Variants in DARS2 observed in about 807,000 individuals in gnomAD.
The protein encoded by DARS2 is aspartate--tRNA ligase, mitochondrial.
DARS2 carries 63 observed loss-of-function variants against 83.0 expected under a neutral mutation model. The observed-to-expected ratio is 0.76, with a 90% CI of 0.62 to 0.94. The LOEUF (loss-of-function observed/expected upper bound fraction) is 0.94, where lower values mean the gene tolerates loss of function less well. Among genes scored for constraint, DARS2 ranks in the 40% least tolerant of loss-of-function variants. The probability of loss-of-function intolerance (pLI) is 0.00; values close to 1 mark genes in which losing one functional copy is unlikely to be tolerated. For missense variants in DARS2, 675 were observed against 774.4 expected (o/e 0.87, Z 1.52); for synonymous variants, 250 against 269.3 (o/e 0.93, Z 0.70).
At position 173,858,019 on chromosome 1, in the gene DARS2, ATAG is replaced by A. The variant is rs1298704938; in HGVS notation, c.*318_*320del. On this transcript the variant is annotated 3_prime_UTR_variant, in exon 17 of 17. Transcript: ENST00000649689. ...TTCAAATCATGTTTCTCATACCCAG[ATAG>A]TAGATTATTCACTTAGGACAGAGGT... The A allele has an allele frequency of 2.7e-6, 1 of 366,676 alleles. No individual in the cohort carries two copies. The highest frequency in any genetic ancestry group is 5.2e-6 in the Non-Finnish European group (1 of 190,522). 22.7% of individuals were successfully genotyped at this position (366,676 alleles called of 1,614,324 possible).
chr1:173,846,028 C>T (rs1023647569), intron 12 of DARS2, among the ~76,000 whole-genome samples: 5 of 152,038 alleles, frequency 3.3e-5, no homozygotes, highest in Admixed American at 2.0e-4. Flanking sequence ...CGTGGTGGCG[C>T]GGGCCTGTAG....
In DARS2 at chr1:173,835,792, G is replaced by A. The variant is rs552607090; in HGVS notation, c.664-1148G>A. 2.5e-4 allele frequency among the ~76,000 whole-genome samples: 38 copies of A among 151,682 alleles called. 1 individual carries two copies. The highest frequency in any genetic ancestry group is 1.7e-3 in the South Asian group (8 of 4,790). On this transcript the variant is annotated intron_variant, in intron 7 of 16. Coordinates refer to ENST00000649689, the MANE Select transcript of DARS2 (RefSeq NM_018122.5). ...AATTAGGCCAGGCACGGTGGTTCAC[G>A]CCTGTAATCCCAGTACTTTGGGAGG... is the stretch of plus-strand genomic sequence containing the variant.
chr1:173,838,048 T>C (rs1026062587), intron 8 of DARS2, 142 bp from the exon 9 acceptor site: 15 of 703,018 alleles, frequency 2.1e-5, no homozygotes, highest in Middle Eastern at 3.7e-4. Context: ...GCTGGGATTA[T>C]AGGTATGAGC....
chr1:173,847,450 CTT>C (rs1653478754), intron 12 of DARS2, among the ~76,000 whole-genome samples: 1 of 152,008 alleles, frequency 6.6e-6, no homozygotes, highest in Non-Finnish European at 1.5e-5. Context: ...TCTTCTCTCT[CTT>C]CTCCTGTTTT....
chr1:173,833,414 C>A lies in DARS2; in HGVS notation c.531C>A (p.Asp177Glu). Reference protein sequence around the residue: ...EALRLQYRYLDLRSFQMQYNL... With the variant: ...EALRLQYRYLELRSFQMQYNL... ...TTCGGTTGCAGTATCGCTACTTAGA[C>A]TTGCGTAGTTTCCAAATGCAGTATA... is the stretch of plus-strand genomic sequence containing the variant. Residue 177 changes from aspartate to glutamate, a missense_variant, in exon 6 of 17, where the codon GAC becomes GAA. Transcript: ENST00000649689. 1.2e-6 allele frequency: 2 copies of A among 1,613,634 alleles called. No individual in the cohort carries two copies. The highest frequency in any genetic ancestry group is 1.7e-6 in the Non-Finnish European group (2 of 1,179,698).
chr1:173,837,065 A>G lies in DARS2; in HGVS notation c.770+19A>G, dbSNP rs371792795. 5.7e-6 allele frequency: 9 copies of G among 1,587,368 alleles called. No homozygotes were observed. Among genetic ancestry groups the G allele is most frequent in the Non-Finnish European group, 7.8e-6 (9 of 1,156,020 alleles). ...TAGACAGGTGAGCTTTTTTTATGCT[A>G]GCAGTTGTCAGAAAAGGAAAAGAGA... On this transcript the variant is annotated intron_variant, in intron 8 of 16. Transcript: ENST00000649689.
chr1:173,828,311 T>TGGGGGGGGGGGGGGGGGGGGGGGG, intron 2 of DARS2, 22 bp from the exon 3 acceptor site: 1 of 1,586,798 alleles, frequency 6.3e-7, no homozygotes, highest in Non-Finnish European at 8.6e-7. Context: ...AAATGTTTCT[T>TGGGGGGGGGGGGGGGGGGGGGGGG]TTCCCCCCCC....
intron 11 of DARS2, 83 bp from the exon 12 acceptor site, chr1:173,845,144 AAT>A (rs1424737332): frequency 3.4e-6 from 3 of 881,948 alleles, no homozygotes; most frequent in Non-Finnish European, 5.7e-6. Flanking sequence ...AAAGACACAA[AAT>A]ATATTTGTCA....
At position 173,828,362 on chromosome 1, in the gene DARS2, T is replaced by C; in HGVS notation, c.257T>C (p.Phe86Ser). Residue 86 changes from phenylalanine to serine, a missense_variant, in exon 3 of 17, where the codon TTC (phenylalanine) becomes TCC (serine). Physicochemically the swap from Phe to Ser is radical, Grantham distance 155 (BLOSUM62 -2). Coordinates refer to ENST00000649689, the MANE Select transcript of DARS2 (RefSeq NM_018122.5). ...AACACATTCTTGGTCCTAAGAGATTTCGATGGGCTTGTTCAAGTTATCATT... is the reference window on the plus strand; with the variant it reads ...AACACATTCTTGGTCCTAAGAGATTCCGATGGGCTTGTTCAAGTTATCATT... The part of the protein sequence containing the change: ...RQNTFLVLRD[F>S]DGLVQVIIPQ... 6.4e-7 allele frequency: 1 copy of C among 1,564,924 alleles called. No homozygotes were observed. Among genetic ancestry groups the C allele is most frequent in the Non-Finnish European group, 8.7e-7 (1 of 1,149,226 alleles).
chr1:173,849,053 T>C (rs1250681765), intron 12 of DARS2, among the ~76,000 whole-genome samples: 1 of 152,038 alleles, frequency 6.6e-6, no homozygotes, highest in Non-Finnish European at 1.5e-5. Flanking sequence ...ATTCTGGTTT[T>C]ATTCATAAAA....
At chr1:173,845,326 A>T in intron 12 of DARS2, 35 bp downstream of exon 12, 1 of 1,430,166 alleles carries the variant, frequency 7.0e-7, no homozygotes, top group Non-Finnish European at 9.8e-7. Context: ...TTTTCCTTAT[A>T]CAGATTCAAT....
chr1:173,855,247 G>A (rs1489127149), intron 15 of DARS2, among the ~76,000 whole-genome samples: 2 of 151,846 alleles, frequency 1.3e-5, no homozygotes, highest in African/African-American at 2.4e-5. Context: ...GGGATTACAC[G>A]TGCGCACTAA....
intron 12 of DARS2, 47 bp from the exon 13 acceptor site, chr1:173,850,278 CTG>C (rs759642140): frequency 1.4e-5 from 20 of 1,440,110 alleles, no homozygotes; most frequent in Non-Finnish European, 1.9e-5. Context: ...ATTAATCCCA[CTG>C]TTCAAAAAAA....
Position 173,825,438 on chromosome 1 carries a change from A to AT in DARS2, c.127+88dup, listed in dbSNP as rs558233437. On this transcript the variant is annotated intron_variant, in intron 1 of 16. Transcript: ENST00000649689. Reference sequence around the variant, plus strand: ...CCGGAGAGCTTTTATTCCATTTTTCATTTTTTCCCCCATTATTATTATTAT... The same window carrying AT: ...CCGGAGAGCTTTTATTCCATTTTTCATTTTTTTCCCCCATTATTATTATTAT... The AT allele has an allele frequency of 1.0e-3, 1,183 of 1,159,246 alleles. 13 individuals carry two copies. The African/African-American group carries it at 0.013, about 13-fold the overall frequency. The allele number at this position is 1,159,246 out of a possible 1,614,324, so 71.8% of individuals were successfully genotyped here. A position where few individuals can be genotyped will look rare whatever the true frequency, so the allele number is the denominator to read the frequency against.
intron 6 of DARS2, among the ~76,000 whole-genome samples, chr1:173,834,085 T>C (rs942487376): frequency 1.3e-5 from 2 of 152,186 alleles, no homozygotes; most frequent in African/African-American, 4.8e-5. Context: ...CTTTATCATG[T>C]GCATACATCA....
intron 12 of DARS2, among the ~76,000 whole-genome samples, chr1:173,847,339 T>C (rs1419827336): frequency 6.6e-6 from 1 of 152,200 alleles, no homozygotes; most frequent in Non-Finnish European, 1.5e-5. Flanking sequence ...TATTAGTATA[T>C]AAAATCTGCA....
intron 3 of DARS2, among the ~76,000 whole-genome samples, chr1:173,829,618 C>T (rs1455328212): frequency 6.6e-6 from 1 of 151,420 alleles, no homozygotes; most frequent in African/African-American, 2.4e-5. Flanking sequence ...TACTAAAATA[C>T]AAAAAATTGG....
In DARS2 at chr1:173,850,409, A is replaced by G; in HGVS notation, c.1274A>G (p.Glu425Gly). The change falls in exon 13 of 17, where the codon GAA (glutamate) becomes GGA (glycine). Residue 425 changes from glutamate to glycine, a missense_variant. Physicochemically the swap from Glu to Gly is moderately conservative, Grantham distance 98 (BLOSUM62 -2). Coordinates refer to ENST00000649689, the MANE Select transcript of DARS2 (RefSeq NM_018122.5). ...TTCATAATGGAGTCACAAAGACTGG[A>G]ATTAATCAGACTAATGGAGACCCAA... ...ANFIMESQRL[E>G]LIRLMETQEE... is the part of the protein sequence containing the mutation. 6.2e-7 allele frequency: 1 copy of G among 1,613,946 alleles called. No individual in the cohort carries two copies. Among genetic ancestry groups the G allele is most frequent in the East Asian group, 2.2e-5 (1 of 44,844 alleles).
intron 15 of DARS2, among the ~76,000 whole-genome samples, chr1:173,855,465 T>G (rs1174409630): frequency 6.6e-6 from 1 of 150,528 alleles, no homozygotes; most frequent in Admixed American, 6.6e-5. Context: ...TTTTGTGTGT[T>G]TGTTTGTTTG....
Sources: allele counts gnomAD v4.1 joint callset (sites outside exome capture counted in the v4.1 genomes callset), GRCh38; gene constraint gnomAD v4.1.1; transcripts MANE v1.5; gene names NCBI Gene and HGNC (gene_info 2026-07-23, HGNC 2026-07-21).